Variants in TAFA5 observed in about 807,000 individuals in gnomAD.
The protein encoded by TAFA5 is TAFA chemokine like family member 5.
A neutral mutation model predicts 15.3 loss-of-function variants in TAFA5; 6 were observed. That is an observed-to-expected ratio of 0.39 (90% CI 0.21 to 0.77). The LOEUF (loss-of-function observed/expected upper bound fraction) is 0.77. TAFA5 is among the 30% of genes least tolerant of loss of function. TAFA5 has a pLI of 0.41. For missense variants in TAFA5, 161 were observed against 193.1 expected, an observed-to-expected ratio of 0.83 and a Z score of 0.98; for synonymous variants, 103 against 80.7, an observed-to-expected ratio of 1.28 and a Z score of -1.48.
intron 3 of TAFA5, among the ~76,000 whole-genome samples, chr22:48,713,049 A>G: frequency 6.6e-6 from 1 of 152,268 alleles, no homozygotes; most frequent in Non-Finnish European, 1.5e-5. Context: ...GATACTTGTC[A>G]GTGAGCTGTG....
intron 1 of TAFA5, among the ~76,000 whole-genome samples, chr22:48,549,264 C>T (rs983035817): frequency 6.6e-6 from 1 of 152,200 alleles, no homozygotes; most frequent in African/African-American, 2.4e-5. Context: ...GCTTCCAGCC[C>T]AGGCCTGATG....
At chr22:48,628,123 G>T (rs892433576) in intron 1 of TAFA5, among the ~76,000 whole-genome samples, 8 of 152,220 alleles carry the variant, frequency 5.3e-5, no homozygotes, top group Middle Eastern at 3.2e-3. Context: ...CTGAGGCTCT[G>T]GTGGGTCCTT....
chr22:48,503,468 G>A (rs969533434), intron 1 of TAFA5, among the ~76,000 whole-genome samples: 2 of 152,168 alleles, frequency 1.3e-5, no homozygotes, highest in African/African-American at 2.4e-5. Context: ...GCCTAGAGAC[G>A]AGGGCTCCCC....
At chr22:48,505,539 A>G (rs1334417808) in intron 1 of TAFA5, among the ~76,000 whole-genome samples, 1 of 152,190 alleles carries the variant, frequency 6.6e-6, no homozygotes, top group Non-Finnish European at 1.5e-5. Context: ...TAAAAGGCCT[A>G]CTGCCCCAAG....
chr22:48,581,640 G>A (rs142706415), intron 1 of TAFA5, among the ~76,000 whole-genome samples: 6,160 of 152,252 alleles, frequency 0.04, 415 homozygotes, highest in African/African-American at 0.14. Context: ...CGGGTTCGGG[G>A]GCAACCTTCT....
chr22:48,614,916 C>A (rs943151669), intron 1 of TAFA5, among the ~76,000 whole-genome samples: 2 of 152,138 alleles, frequency 1.3e-5, no homozygotes, highest in Admixed American at 6.5e-5. Context: ...GCAGAGCGGG[C>A]CTGGCCTCCC....
At chr22:48,574,227 G>A (rs1923681791) in intron 1 of TAFA5, among the ~76,000 whole-genome samples, 1 of 152,214 alleles carries the variant, frequency 6.6e-6, no homozygotes, top group Non-Finnish European at 1.5e-5. Flanking sequence ...TGTGAGGCTG[G>A]GGCCACTCCT....
At chr22:48,581,689 ATG>A (rs1187778329) in intron 1 of TAFA5, among the ~76,000 whole-genome samples, 3 of 152,258 alleles carry the variant, frequency 2.0e-5, no homozygotes, top group East Asian at 1.9e-4. Flanking sequence ...GTGTGTGCAT[ATG>A]TGTGTGTGTA....
chr22:48,594,103 C>A (rs545956214), intron 1 of TAFA5, among the ~76,000 whole-genome samples: 1 of 152,348 alleles, frequency 6.6e-6, no homozygotes, highest in South Asian at 2.1e-4. Context: ...TGGTCATGCT[C>A]CTGTGCCCAC....
At chr22:48,700,449 A>G (rs1442894223) in intron 2 of TAFA5, among the ~76,000 whole-genome samples, 1 of 152,066 alleles carries the variant, frequency 6.6e-6, no homozygotes, top group Non-Finnish European at 1.5e-5. Context: ...TGGGGGAGAG[A>G]TCCTGAAAAA....
At chr22:48,593,752 G>C (rs569010830) in intron 1 of TAFA5, among the ~76,000 whole-genome samples, 1 of 152,156 alleles carries the variant, frequency 6.6e-6, no homozygotes, top group Non-Finnish European at 1.5e-5. Flanking sequence ...CCTTAGCACG[G>C]CCTCCCCAGG....
chr22:48,583,170 CCACA>C (rs759399014), intron 1 of TAFA5, among the ~76,000 whole-genome samples: 4 of 148,726 alleles, frequency 2.7e-5, no homozygotes, highest in Non-Finnish European at 4.5e-5. Flanking sequence ...ATACCACACA[CCACA>C]CACACAGTGC....
chr22:48,696,816 T>C (rs1928727208), intron 2 of TAFA5, among the ~76,000 whole-genome samples: 1 of 152,250 alleles, frequency 6.6e-6, no homozygotes, highest in Non-Finnish European at 1.5e-5. Context: ...AGGTTGTGTG[T>C]GCAAGGCCTG....
At position 48,566,327 on chromosome 22, in the gene TAFA5, G is replaced by A. The variant is rs554170338; in HGVS notation, c.112+76623G>A. On this transcript the variant is annotated intron_variant, in intron 1 of 3. Coordinates refer to ENST00000402357, the MANE Select transcript of TAFA5 (RefSeq NM_001082967.3). The surrounding 1 kb of genome is among the most constrained non-coding windows in gnomAD (Gnocchi z 4.5). ...ATGATGGATAGATGGATGGATGGACGATGGGTGGATGATGAATGGATGGTG... is the reference window on the plus strand; with the variant it reads ...ATGATGGATAGATGGATGGATGGACAATGGGTGGATGATGAATGGATGGTG... Among the ~76,000 whole-genome samples the A allele has an allele frequency of 6.6e-5, 10 of 151,902 alleles. No individual in the cohort carries two copies. The East Asian group carries it at 1.4e-3, about 21-fold the overall frequency.
chr22:48,720,831 C>T (rs909944809), intron 3 of TAFA5, among the ~76,000 whole-genome samples: 2 of 152,182 alleles, frequency 1.3e-5, no homozygotes, highest in African/African-American at 2.4e-5. Context: ...TAGAGGAACT[C>T]TGCTCACAGT....
chr22:48,489,764 G>C lies in TAFA5; in HGVS notation c.112+60G>C. On this transcript the variant is annotated intron_variant, in intron 1 of 3. Coordinates refer to ENST00000402357, the MANE Select transcript of TAFA5 (RefSeq NM_001082967.3). The surrounding 1 kb of genome is among the most constrained non-coding windows in gnomAD (Gnocchi z 5.5). ...CTCTGGGCCCCGGACCCCCTCCTCC[G>C]GCCCCGGCAGGCGCCCCGCGGGCCT... 9.3e-7 allele frequency: 1 copy of C among 1,073,288 alleles called. No homozygotes were observed. 66.5% of individuals were successfully genotyped at this position (1,073,288 alleles called of 1,614,324 possible).
chr22:48,509,690 G>T (rs1465487879), intron 1 of TAFA5, among the ~76,000 whole-genome samples: 3 of 152,188 alleles, frequency 2.0e-5, no homozygotes. Context: ...AATGGCTCAC[G>T]CCTGTAATCC....
chr22:48,515,224 T>C (rs2147103786), intron 1 of TAFA5, among the ~76,000 whole-genome samples: 1 of 149,970 alleles, frequency 6.7e-6, no homozygotes, highest in South Asian at 2.1e-4. Flanking sequence ...CTCTCAGCAG[T>C]GGGTGAAGAA....
chr22:48,592,937 G>T (rs1924624033), intron 1 of TAFA5, among the ~76,000 whole-genome samples: 1 of 152,168 alleles, frequency 6.6e-6, no homozygotes, highest in African/African-American at 2.4e-5. Context: ...GGCTGGATCA[G>T]GGTCTTTGTG....
Sources: gnomAD v4.1 joint callset for allele counts (sites outside exome capture counted in the v4.1 genomes callset) on GRCh38, gnomAD v4.1.1 for gene constraint, Gnocchi (gnomAD v3.1) non-coding constraint, MANE v1.5 for transcripts, NCBI Gene and HGNC (gene_info 2026-07-23, HGNC 2026-07-21) for gene names.